Variants in STXBP4 observed in about 807,000 individuals in gnomAD.
The protein encoded by STXBP4 is syntaxin-binding protein 4.
STXBP4 carries 55 observed loss-of-function variants against 76.1 expected under a neutral mutation model. The ratio of observed to expected loss-of-function variants is 0.72; its 90% CI spans 0.58 to 0.91. The LOEUF (loss-of-function observed/expected upper bound fraction) is 0.91, where lower values mean the gene tolerates loss of function less well. Among genes scored for constraint, STXBP4 ranks in the 40% least tolerant of loss-of-function variants. The pLI is 0.00. For synonymous variants in STXBP4, 201 were observed against 220.2 expected, an observed-to-expected ratio of 0.91 and a Z score of 0.77; for missense variants, 618 against 636.9, an observed-to-expected ratio of 0.97 and a Z score of 0.32.
chr17:55,113,486 C>T (rs984822131), intron 16 of STXBP4, among the ~76,000 whole-genome samples: 1 of 152,090 alleles, frequency 6.6e-6, no homozygotes, highest in Non-Finnish European at 1.5e-5. Flanking sequence ...GCCCAGATTT[C>T]TGTGACTTTC....
chr17:54,979,575 TCTCCAATCAGTCTACAGC>T (rs1396585893), intron 1 of STXBP4, among the ~76,000 whole-genome samples: 1 of 152,104 alleles, frequency 6.6e-6, no homozygotes, highest in Non-Finnish European at 1.5e-5. Flanking sequence ...GAACTGAAAT[TCTCCAATCAGTCTACAGC>T]CATACCACCC....
chr17:54,990,766 G>GA (rs944284705), intron 3 of STXBP4, 59 bp from the exon 4 acceptor site: 92 of 1,512,572 alleles, frequency 6.1e-5, no homozygotes, highest in Non-Finnish European at 7.8e-5. Context: ...GTAGTTTAAA[G>GA]AAAAAAATAG....
intron 16 of STXBP4, among the ~76,000 whole-genome samples, chr17:55,117,504 TC>T (rs2079795009): frequency 6.6e-6 from 1 of 151,614 alleles, no homozygotes; most frequent in South Asian, 2.1e-4. Context: ...GATCAAGGCT[TC>T]CCAACACCCT....
At chr17:55,041,703 G>A (rs2078701533) in intron 10 of STXBP4, among the ~76,000 whole-genome samples, 1 of 152,130 alleles carries the variant, frequency 6.6e-6, no homozygotes, top group African/African-American at 2.4e-5. Flanking sequence ...TTGTAGTATG[G>A]TGAAATTACT....
At chr17:55,000,734 T>G in intron 6 of STXBP4, 74 bp from the exon 7 acceptor site, 1 of 1,045,474 alleles carries the variant, frequency 9.6e-7, no homozygotes, top group Non-Finnish European at 1.5e-6. Flanking sequence ...TTAACCATTC[T>G]TTTTATGTTA....
At chr17:55,104,961 A>T (rs1320110270) in intron 16 of STXBP4, among the ~76,000 whole-genome samples, 1 of 152,040 alleles carries the variant, frequency 6.6e-6, no homozygotes, top group Admixed American at 6.5e-5. Context: ...TTTATGTGGG[A>T]TCAGTGATGG....
Position 55,173,293 on chromosome 17 carries a change from C to T in STXBP4, c.*13382C>T, listed in dbSNP as rs1468130198. ...TAATCAAGATACAGAACAGTTTTAT[C>T]ATTTCAAGTGCTCTCCTGCTATGCT... is the stretch of plus-strand genomic sequence containing the variant. On this transcript the variant is annotated 3_prime_UTR_variant, in exon 18 of 18. Transcript: ENST00000376352. The T allele has an allele frequency of 6.6e-6, 1 of 152,186 alleles. No individual in the cohort carries two copies. Among genetic ancestry groups the T allele is most frequent in the East Asian group, 1.9e-4 (1 of 5,202 alleles). The allele number at this position is 152,186 out of a possible 1,614,324, so 9.4% of individuals were successfully genotyped here. A position where few individuals can be genotyped will look rare whatever the true frequency, so the allele number is the denominator to read the frequency against.
At chr17:55,107,490 G>A (rs532417908) in intron 16 of STXBP4, among the ~76,000 whole-genome samples, 74 of 152,300 alleles carry the variant, frequency 4.9e-4, no homozygotes, top group African/African-American at 1.8e-3. Flanking sequence ...CTGGTGAGGA[G>A]TTGTGATCCT....
the STXBP4 span, among the ~76,000 whole-genome samples, chr17:55,183,824 G>T: frequency 6.6e-5 from 10 of 152,148 alleles, no homozygotes; most frequent in Admixed American, 2.0e-4. Context: ...GGTTTAATTT[G>T]CCAGGTAGCT....
the STXBP4 span, among the ~76,000 whole-genome samples, chr17:55,181,893 A>G: frequency 6.6e-6 from 1 of 152,170 alleles, no homozygotes; most frequent in Non-Finnish European, 1.5e-5. Flanking sequence ...AGCCCACCAA[A>G]GGGGTACTGA....
intron 8 of STXBP4, among the ~76,000 whole-genome samples, chr17:55,020,817 C>T (rs984799874): frequency 2.6e-5 from 4 of 151,932 alleles, no homozygotes; most frequent in African/African-American, 7.3e-5. Context: ...AACTCCATCT[C>T]AGAAAATAAA....
At chr17:55,174,553 T>A (rs970668890), downstream of STXBP4, among the ~76,000 whole-genome samples, 4 of 152,248 alleles carry the variant, frequency 2.6e-5, no homozygotes, top group African/African-American at 9.6e-5. Context: ...TTCTTGCTGC[T>A]GGGTTTTAAG....
At chr17:55,021,301 C>T (rs759799892) in intron 8 of STXBP4, among the ~76,000 whole-genome samples, 4 of 152,036 alleles carry the variant, frequency 2.6e-5, no homozygotes, top group Admixed American at 6.6e-5. Flanking sequence ...GCAAGCAGAT[C>T]GCTTGAAGCC....
At chr17:55,145,414 C>T (rs1430449241) in intron 17 of STXBP4, among the ~76,000 whole-genome samples, 2 of 152,186 alleles carry the variant, frequency 1.3e-5, no homozygotes, top group African/African-American at 4.8e-5. Context: ...TCTATATACA[C>T]ATAATCTCTT....
intron 4 of STXBP4, among the ~76,000 whole-genome samples, chr17:54,995,260 C>T (rs2077781503): frequency 6.6e-6 from 1 of 152,168 alleles, no homozygotes; most frequent in South Asian, 2.1e-4. Flanking sequence ...ACCATTTGGG[C>T]TCCACACCAA....
chr17:55,034,934 G>A (rs561162305), intron 10 of STXBP4, among the ~76,000 whole-genome samples: 35 of 151,740 alleles, frequency 2.3e-4, no homozygotes, highest in Non-Finnish European at 4.0e-4. Context: ...TTTCATTGTG[G>A]ATTTTTGGTA....
intron 10 of STXBP4, among the ~76,000 whole-genome samples, chr17:55,040,316 GA>G (rs2078676324): frequency 6.6e-6 from 1 of 152,054 alleles, no homozygotes; most frequent in Admixed American, 6.6e-5. Context: ...CAGATAATAA[GA>G]AGTGAAAGGA....
At chr17:55,019,726 CA>C (rs982503046) in intron 8 of STXBP4, among the ~76,000 whole-genome samples, 3 of 152,026 alleles carry the variant, frequency 2.0e-5, no homozygotes, top group African/African-American at 7.2e-5. Context: ...AGAAAACTCT[CA>C]TTTTTTTTAT....
At chr17:54,971,968 C>T (rs1331905727) in intron 1 of STXBP4, among the ~76,000 whole-genome samples, 2 of 152,000 alleles carry the variant, frequency 1.3e-5, no homozygotes, top group East Asian at 1.9e-4. Context: ...AGGCTGGTTA[C>T]GTGATTAAAT....
Sources: allele counts gnomAD v4.1 joint callset (sites outside exome capture counted in the v4.1 genomes callset), GRCh38; gene constraint gnomAD v4.1.1; transcripts MANE v1.5; gene names NCBI Gene and HGNC (gene_info 2026-07-23, HGNC 2026-07-21).